SPOCK3: variants seen among roughly 807,000 people sequenced by gnomAD.
The protein encoded by SPOCK3 is SPARC (osteonectin), cwcv and kazal like domains proteoglycan 3, also known as testican-3.
Under a neutral mutation model 56.6 loss-of-function variants are expected in SPOCK3, and 30 were observed. The ratio of observed to expected loss-of-function variants is 0.53; its 90% CI spans 0.40 to 0.72. The LOEUF is 0.72. Among genes scored for constraint, SPOCK3 ranks in the 30% least tolerant of loss-of-function variants. The pLI is 0.00. For missense variants in SPOCK3, 527 were observed against 530.0 expected (o/e 0.99, Z 0.06); for synonymous variants, 196 against 183.3 (o/e 1.07, Z -0.56).
chr4:167,202,265 T>A (rs1441101590), intron 2 of SPOCK3, among the ~76,000 whole-genome samples: 1 of 151,970 alleles, frequency 6.6e-6, no homozygotes, highest in African/African-American at 2.4e-5. Context: ...AGCAGTCTCA[T>A]AGCAGCAACT....
At chr4:167,070,756 T>A (rs1206076278) in intron 2 of SPOCK3, among the ~76,000 whole-genome samples, 1 of 151,984 alleles carries the variant, frequency 6.6e-6, no homozygotes, top group Admixed American at 6.6e-5. Context: ...GCCAATAAAT[T>A]TCACAAAAGA....
chr4:166,809,503 C>T (rs557498470), intron 6 of SPOCK3, among the ~76,000 whole-genome samples: 2 of 151,980 alleles, frequency 1.3e-5, no homozygotes, highest in African/African-American at 4.8e-5. Context: ...AATTCTGATA[C>T]ATATTTATGT....
At chr4:167,001,253 A>G (rs1006417253) in intron 3 of SPOCK3, among the ~76,000 whole-genome samples, 1 of 152,152 alleles carries the variant, frequency 6.6e-6, no homozygotes, top group African/African-American at 2.4e-5. Context: ...ATACCCAAAC[A>G]TATCGTCTTG....
intron 6 of SPOCK3, among the ~76,000 whole-genome samples, chr4:166,862,302 A>G (rs905332040): frequency 6.6e-6 from 1 of 151,962 alleles, no homozygotes; most frequent in Non-Finnish European, 1.5e-5. Flanking sequence ...CCAAGTTAGG[A>G]GTCTTGGAAA....
At chr4:166,925,669 A>G (rs1321358427) in intron 4 of SPOCK3, among the ~76,000 whole-genome samples, 1 of 144,020 alleles carries the variant, frequency 6.9e-6, no homozygotes, top group Non-Finnish European at 1.6e-5. Flanking sequence ...CAACCACTCC[A>G]AGGTAAATTT....
intron 6 of SPOCK3, among the ~76,000 whole-genome samples, chr4:166,815,434 C>A (rs62356762): frequency 1.3e-5 from 2 of 152,034 alleles, no homozygotes; most frequent in African/African-American, 2.4e-5. Flanking sequence ...TAAATTATGT[C>A]TTTCATAAAA....
chr4:166,959,910 C>T (rs1314428379), intron 4 of SPOCK3, among the ~76,000 whole-genome samples: 2 of 151,926 alleles, frequency 1.3e-5, no homozygotes, highest in African/African-American at 2.4e-5. Flanking sequence ...TTTTCCATTT[C>T]CTCTTTATGG....
intron 2 of SPOCK3, among the ~76,000 whole-genome samples, chr4:167,105,939 A>G (rs1428537443): frequency 1.3e-5 from 2 of 152,026 alleles, no homozygotes; most frequent in African/African-American, 4.8e-5. Context: ...GGATATAACA[A>G]TTGTAAATAT....
intron 2 of SPOCK3, among the ~76,000 whole-genome samples, chr4:167,109,402 T>C (rs866684803): frequency 1.2e-5 from 1 of 84,482 alleles, no homozygotes; most frequent in Non-Finnish European, 2.1e-5. Context: ...TATATATTTA[T>C]ATATAAATAT....
At chr4:167,202,225 A>G (rs150133640) in intron 2 of SPOCK3, among the ~76,000 whole-genome samples, 78 of 152,004 alleles carry the variant, frequency 5.1e-4, no homozygotes, top group Admixed American at 3.7e-3. Flanking sequence ...ATTTTCATCA[A>G]ATTTTGTTCC....
chr4:167,097,111 GTGTT>G (rs1222293511), intron 2 of SPOCK3, among the ~76,000 whole-genome samples: 1 of 151,590 alleles, frequency 6.6e-6, no homozygotes, highest in Non-Finnish European at 1.5e-5. Context: ...AGCATGTCAT[GTGTT>G]TTTTAATTCC....
intron 5 of SPOCK3, among the ~76,000 whole-genome samples, chr4:166,891,361 T>C (rs1012788581): frequency 6.6e-6 from 1 of 152,014 alleles, no homozygotes; most frequent in South Asian, 2.1e-4. Context: ...AAGCACCGAA[T>C]GCACCCAATA....
At chr4:167,195,907 A>G (rs1392187618) in intron 2 of SPOCK3, among the ~76,000 whole-genome samples, 2 of 152,138 alleles carry the variant, frequency 1.3e-5, no homozygotes, top group African/African-American at 4.8e-5. Flanking sequence ...ATGGCTGCCA[A>G]GTTACTATTG....
chr4:166,849,668 T>A (rs1748477817), intron 6 of SPOCK3, among the ~76,000 whole-genome samples: 1 of 152,186 alleles, frequency 6.6e-6, no homozygotes, highest in Non-Finnish European at 1.5e-5. Context: ...TTAAGTACAT[T>A]CACATTGTTG....
intron 7 of SPOCK3, among the ~76,000 whole-genome samples, chr4:166,791,376 A>G (rs1227970241): frequency 6.6e-6 from 1 of 152,160 alleles, no homozygotes; most frequent in Non-Finnish European, 1.5e-5. Flanking sequence ...TAGGCGATGA[A>G]TGTCACACAT....
chr4:167,154,176 G>A (rs815220), intron 2 of SPOCK3, among the ~76,000 whole-genome samples: 1 of 152,170 alleles, frequency 6.6e-6, no homozygotes, highest in Admixed American at 6.5e-5. Flanking sequence ...TAGACTTCAC[G>A]TAAGTGATCC....
rs567372436 is a variant in SPOCK3, at chr4:167,221,388, T to C, written c.189+12597A>G. Among the ~76,000 whole-genome samples, 13 of 151,910 alleles carry C rather than the reference T, an allele frequency of 8.6e-5. No individual in the cohort carries two copies. The South Asian group carries it at 2.1e-3, about 24-fold the overall frequency. ...GTCTCTTAAAAAATAAATAATATAA[T>C]ATAATACAACAAAAAAAGCAATTTG... On this transcript the variant is annotated intron_variant, in intron 2 of 10. Coordinates refer to ENST00000357545, the MANE Select transcript of SPOCK3 (RefSeq NM_001040159.2).
intron 6 of SPOCK3, among the ~76,000 whole-genome samples, chr4:166,849,801 A>G (rs1748489906): frequency 6.6e-6 from 1 of 152,096 alleles, no homozygotes; most frequent in South Asian, 2.1e-4. Flanking sequence ...TTCTGTCTCA[A>G]TGAATTTGTG....
intron 6 of SPOCK3, among the ~76,000 whole-genome samples, chr4:166,802,964 G>A (rs2126695351): frequency 6.6e-6 from 1 of 152,218 alleles, no homozygotes; most frequent in South Asian, 2.1e-4. Context: ...GACAGATTTG[G>A]AGTAGAGTCT....
Sources: gnomAD v4.1 joint callset for allele counts (sites outside exome capture counted in the v4.1 genomes callset) on GRCh38, gnomAD v4.1.1 for gene constraint, MANE v1.5 for transcripts, NCBI Gene and HGNC (gene_info 2026-07-23, HGNC 2026-07-21) for gene names.